The following POMP variants were observed in gnomAD, a reference collection of about 807,000 sequenced individuals.
The protein encoded by POMP is proteasome maturation protein, also known as 2510048O06Rik.
POMP carries 12 observed loss-of-function variants against 20.6 expected under a neutral mutation model. The observed-to-expected ratio is 0.58, with a 90% CI of 0.37 to 0.94. The LOEUF (loss-of-function observed/expected upper bound fraction) is 0.94. Ranked by LOEUF, POMP falls within the 40% of genes least tolerant of loss-of-function variation. The pLI, the probability that POMP is intolerant of heterozygous loss-of-function variation, is 0.01. For missense variants in POMP, 136 were observed against 161.1 expected (o/e 0.84, Z 0.84); for synonymous variants, 53 against 55.0 (o/e 0.96, Z 0.16).
chr13:28,671,814 T>C (rs771271816), intron 4 of POMP, among the ~76,000 whole-genome samples: 2 of 152,146 alleles, frequency 1.3e-5, no homozygotes, highest in Non-Finnish European at 2.9e-5. Context: ...ATCTTTAAAA[T>C]ACTACTATCA....
At position 28,676,981 on chromosome 13, in the gene POMP, TAAAG is replaced by T. The variant is rs561817055; in HGVS notation, c.359-1051_359-1048del. ...GATTTATTTAATAAATGCATTTTAT[TAAAG>T]AAGCTTTAAAAAGCAGGGTGTGGAG... is the stretch of plus-strand genomic sequence containing the variant. On this transcript the variant is annotated intron_variant, in intron 5 of 5. Transcript: ENST00000380842. Among the ~76,000 whole-genome samples the T allele has an allele frequency of 1.2e-4, 19 of 152,312 alleles. No individual in the cohort carries two copies. In the East Asian group the frequency reaches 3.7e-3, roughly 29 times the overall value.
intron 4 of POMP, 69 bp from the exon 5 acceptor site, chr13:28,672,270 T>C (rs971374096): frequency 2.5e-6 from 3 of 1,188,840 alleles, no homozygotes; most frequent in Admixed American, 1.7e-5. Flanking sequence ...AACATGAAAT[T>C]AGACTATATA....
chr13:28,678,444 T>C lies in POMP; in HGVS notation c.*342T>C. The C allele has an allele frequency of 3.6e-6, 1 of 275,258 alleles. No individual in the cohort carries two copies. The highest frequency in any genetic ancestry group is 7.1e-6 in the Non-Finnish European group (1 of 141,644). 17.1% of individuals were successfully genotyped at this position (275,258 alleles called of 1,614,324 possible). ...AGTTTTGATTAAGCATTATAAGCATTTGAGTCTATAAACTTTATAGTAGCA... is the reference window on the plus strand; with the variant it reads ...AGTTTTGATTAAGCATTATAAGCATCTGAGTCTATAAACTTTATAGTAGCA... On this transcript the variant is annotated 3_prime_UTR_variant, in exon 6 of 6. Coordinates refer to ENST00000380842, the MANE Select transcript of POMP (RefSeq NM_015932.6).
intron 5 of POMP, among the ~76,000 whole-genome samples, chr13:28,677,668 C>T (rs1168011208): frequency 1.3e-5 from 2 of 152,028 alleles, no homozygotes; most frequent in Non-Finnish European, 2.9e-5. Context: ...TGTGGGAAGC[C>T]ACTAGAAAAC....
At chr13:28,670,000 C>G (rs1357103505) in intron 4 of POMP, among the ~76,000 whole-genome samples, 1 of 152,144 alleles carries the variant, frequency 6.6e-6, no homozygotes, top group African/African-American at 2.4e-5. Context: ...GTCCCAGCTA[C>G]TCAGGAGGCT....
At chr13:28,661,974 C>G (rs1054226936) in intron 1 of POMP, among the ~76,000 whole-genome samples, 1 of 152,172 alleles carries the variant, frequency 6.6e-6, no homozygotes, top group African/African-American at 2.4e-5. Flanking sequence ...CATGCCATAA[C>G]CTTTCAGAGG....
Position 28,678,395 on chromosome 13 carries a change from G to T in POMP, c.*293G>T. 1 of 326,502 alleles carries T rather than the reference G, an allele frequency of 3.1e-6. No homozygotes were observed. Among genetic ancestry groups the T allele is most frequent in the Non-Finnish European group, 5.7e-6 (1 of 175,022 alleles). The allele number at this position is 326,502 out of a possible 1,614,324, so 20.2% of individuals were successfully genotyped here. A position where few individuals can be genotyped will look rare whatever the true frequency, so the allele number is the denominator to read the frequency against. ...TGATCTACAGGTTTCAATTCAACCT[G>T]TTTCTAGGTTTTTTTGTAAATTTAG... On this transcript the variant is annotated 3_prime_UTR_variant, in exon 6 of 6. Coordinates refer to ENST00000380842, the MANE Select transcript of POMP (RefSeq NM_015932.6).
In POMP at chr13:28,662,493, T is replaced by C. The variant is rs756894511; in HGVS notation, c.87T>C (p.Asp29=). The change falls in exon 2 of 6, where the codon GAT becomes GAC. Residue 29 remains aspartate (D), a synonymous_variant. Transcript: ENST00000380842. ...LSASGPFESH[D]LLRKGFSCVK... is the part of the protein sequence containing the mutation. ...CAAGTGGACCTTTTGAAAGTCATGATCTTCTTCGGAAAGGGTATATGGGGG... is the reference window on the plus strand; with the variant it reads ...CAAGTGGACCTTTTGAAAGTCATGACCTTCTTCGGAAAGGGTATATGGGGG... 6.2e-7 allele frequency: 1 copy of C among 1,611,674 alleles called. No individual in the cohort carries two copies. Among genetic ancestry groups the C allele is most frequent in the South Asian group, 1.1e-5 (1 of 91,034 alleles).
At chr13:28,674,875 T>A (rs34225980) in intron 5 of POMP, among the ~76,000 whole-genome samples, 6,746 of 145,708 alleles carry the variant, frequency 0.046, 500 homozygotes, top group African/African-American at 0.16. Flanking sequence ...GTCTCTACAA[T>A]TTTTTTTTTT....
In POMP at chr13:28,678,651, G is replaced by C. The variant is rs1884673474; in HGVS notation, c.*549G>C. On this transcript the variant is annotated 3_prime_UTR_variant, in exon 6 of 6. Coordinates refer to ENST00000380842, the MANE Select transcript of POMP (RefSeq NM_015932.6). Reference sequence around the variant, plus strand: ...TGAAAAGTAGAAGTTCCAAGGTTTTGATTTTGGTCTGGTCTTTAAGTGAAA... The same window carrying C: ...TGAAAAGTAGAAGTTCCAAGGTTTTCATTTTGGTCTGGTCTTTAAGTGAAA... 6.5e-6 allele frequency: 1 copy of C among 153,294 alleles called. No homozygotes were observed. Among genetic ancestry groups the C allele is most frequent in the African/African-American group, 2.4e-5 (1 of 41,448 alleles). The allele number at this position is 153,294 out of a possible 1,614,324, so 9.5% of individuals were successfully genotyped here.
chr13:28,670,577 A>G (rs1884529491), intron 4 of POMP, among the ~76,000 whole-genome samples: 1 of 152,046 alleles, frequency 6.6e-6, no homozygotes, highest in African/African-American at 2.4e-5. Context: ...ATAAAACCCA[A>G]CACTTAGTGT....
intron 3 of POMP, among the ~76,000 whole-genome samples, chr13:28,666,109 T>G (rs998832094): frequency 6.6e-6 from 1 of 152,208 alleles, no homozygotes; most frequent in East Asian, 1.9e-4. Context: ...GGTGATAAAA[T>G]AGACCAAAGT....
chr13:28,676,669 C>T (rs2077487778), intron 5 of POMP, among the ~76,000 whole-genome samples: 1 of 152,134 alleles, frequency 6.6e-6, no homozygotes, highest in African/African-American at 2.4e-5. Flanking sequence ...GAGATGATGA[C>T]TTTTTTGCCT....
intron 5 of POMP, among the ~76,000 whole-genome samples, chr13:28,674,874 A>AT (rs541086849): frequency 9.5e-4 from 141 of 148,532 alleles, no homozygotes; most frequent in Admixed American, 2.4e-3. Context: ...TGTCTCTACA[A>AT]TTTTTTTTTT....
chr13:28,667,111 A>G (rs866806048), intron 3 of POMP, among the ~76,000 whole-genome samples: 1 of 152,220 alleles, frequency 6.6e-6, no homozygotes, highest in Admixed American at 6.5e-5. Flanking sequence ...GTGTGTTGCC[A>G]CAGAGCCTAA....
chr13:28,668,435 A>G (rs1884483689), intron 3 of POMP, 38 bp from the exon 4 acceptor site: 2 of 1,413,848 alleles, frequency 1.4e-6, no homozygotes, highest in Non-Finnish European at 2.0e-6. Context: ...AAAGCAGAGT[A>G]TTGAGTGTAA....
chr13:28,661,642 A>G lies in POMP; in HGVS notation c.4-768A>G, dbSNP rs139932779. 5.0e-3 allele frequency among the ~76,000 whole-genome samples: 756 copies of G among 152,304 alleles called. 4 individuals are homozygous for G. Among genetic ancestry groups the G allele is most frequent in the African/African-American group, 0.017 (690 of 41,562 alleles). On this transcript the variant is annotated intron_variant, in intron 1 of 5. Coordinates refer to ENST00000380842, the MANE Select transcript of POMP (RefSeq NM_015932.6). ...GCTAATAAGTATCTGGTGATTGCGCATTTCACAGTAGCGTAGGGTAATCAT... is the reference window on the plus strand; with the variant it reads ...GCTAATAAGTATCTGGTGATTGCGCGTTTCACAGTAGCGTAGGGTAATCAT...
chr13:28,677,905 G>A, intron 5 of POMP, 130 bp from the exon 6 acceptor site: 1 of 897,870 alleles, frequency 1.1e-6, no homozygotes, highest in Non-Finnish European at 1.8e-6. Flanking sequence ...CCCAGCCCCA[G>A]GCAATCACTG....
At chr13:28,673,668 A>C (rs370721811) in intron 5 of POMP, among the ~76,000 whole-genome samples, 119 of 152,340 alleles carry the variant, frequency 7.8e-4, no homozygotes, top group African/African-American at 2.7e-3. Flanking sequence ...TGGATGCAGG[A>C]AAAGCTGGGA....
Sources: gnomAD v4.1 joint callset for allele counts (sites outside exome capture counted in the v4.1 genomes callset) on GRCh38, gnomAD v4.1.1 for gene constraint, MANE v1.5 for transcripts, NCBI Gene and HGNC (gene_info 2026-07-23, HGNC 2026-07-21) for gene names.